The following XKR4 variants were observed in gnomAD, a reference collection of about 807,000 sequenced individuals.
XKR4 encodes XK related 4, also known as XK-related protein 4.
Under a neutral mutation model 53.9 loss-of-function variants are expected in XKR4, and 12 were observed. The ratio of observed to expected loss-of-function variants is 0.22; its 90% CI spans 0.14 to 0.36. The LOEUF (loss-of-function observed/expected upper bound fraction) is 0.36. Among genes scored for constraint, XKR4 ranks in the 10% least tolerant of loss-of-function variants. The pLI is 1.00. For synonymous variants in XKR4, 354 were observed against 362.4 expected (o/e 0.98, Z 0.26); for missense variants, 799 against 859.5 (o/e 0.93, Z 0.88).
chr8:55,147,553 T>A (rs1324971312), intron 1 of XKR4, among the ~76,000 whole-genome samples: 1 of 152,230 alleles, frequency 6.6e-6, no homozygotes, highest in Non-Finnish European at 1.5e-5. Flanking sequence ...CCTCCTTGCC[T>A]CCTGGTGGGG....
intron 1 of XKR4, among the ~76,000 whole-genome samples, chr8:55,224,462 G>A (rs774770994): frequency 6.6e-6 from 1 of 152,120 alleles, no homozygotes; most frequent in Non-Finnish European, 1.5e-5. Flanking sequence ...CAATGATTTT[G>A]TCATAAGACT....
intron 2 of XKR4, among the ~76,000 whole-genome samples, chr8:55,373,373 G>A (rs940585912): frequency 2.0e-5 from 3 of 152,096 alleles, no homozygotes; most frequent in African/African-American, 7.2e-5. Flanking sequence ...CACCATGTTG[G>A]CCAGGCTGGT....
intron 2 of XKR4, among the ~76,000 whole-genome samples, chr8:55,439,028 T>C (rs763977817): frequency 4.6e-5 from 7 of 152,116 alleles, no homozygotes; most frequent in Non-Finnish European, 8.8e-5. Flanking sequence ...AAGGAAACAG[T>C]CTTGCATAGG....
intron 1 of XKR4, among the ~76,000 whole-genome samples, chr8:55,277,267 A>G (rs558160313): frequency 6.6e-6 from 1 of 152,358 alleles, no homozygotes; most frequent in South Asian, 2.1e-4. Flanking sequence ...CTAAGGTGCT[A>G]CTAACAAAGG....
intron 2 of XKR4, among the ~76,000 whole-genome samples, chr8:55,518,650 G>C (rs1158219923): frequency 6.6e-6 from 1 of 152,162 alleles, no homozygotes; most frequent in African/African-American, 2.4e-5. Context: ...GTAGGCCCGT[G>C]GGGTTTCAGG....
At chr8:55,453,612 T>A in intron 2 of XKR4, 1 of 414,678 alleles carries the variant, frequency 2.4e-6, no homozygotes, top group Non-Finnish European at 4.6e-6. Context: ...GCACCTTGCA[T>A]CTTGGCCTCA....
intron 2 of XKR4, chr8:55,449,959 G>A (rs1036606716): frequency 1.5e-5 from 13 of 845,734 alleles, no homozygotes; most frequent in East Asian, 2.5e-5. Context: ...GCTCAAGGTG[G>A]AGCCCACGGG....
At chr8:55,465,600 C>G (rs1339816203) in intron 2 of XKR4, among the ~76,000 whole-genome samples, 2 of 150,330 alleles carry the variant, frequency 1.3e-5, no homozygotes, top group African/African-American at 2.4e-5. Flanking sequence ...TCTAAAACAC[C>G]AAAAGCAATG....
chr8:55,400,246 G>T (rs2129389804), intron 2 of XKR4, among the ~76,000 whole-genome samples: 1 of 152,284 alleles, frequency 6.6e-6, no homozygotes, highest in East Asian at 1.9e-4. Context: ...AGCTCATGAT[G>T]GGTGCCACTC....
At chr8:55,453,288 G>A in intron 2 of XKR4, 1 of 486,888 alleles carries the variant, frequency 2.1e-6, no homozygotes, top group Non-Finnish European at 4.2e-6. Context: ...CAGTCCTGCA[G>A]GCAGCAGTTC....
At chr8:55,137,344 A>G (rs377603761) in intron 1 of XKR4, among the ~76,000 whole-genome samples, 1 of 152,168 alleles carries the variant, frequency 6.6e-6, no homozygotes, top group African/African-American at 2.4e-5. Flanking sequence ...GATTACCTCA[A>G]TTGTCCATTA....
intron 2 of XKR4, among the ~76,000 whole-genome samples, chr8:55,462,567 T>C (rs1452672931): frequency 6.6e-6 from 1 of 152,096 alleles, no homozygotes; most frequent in Non-Finnish European, 1.5e-5. Flanking sequence ...CTGCATCAAC[T>C]AACGAGCAAA....
intron 2 of XKR4, chr8:55,454,642 G>T: frequency 2.8e-6 from 3 of 1,076,812 alleles, no homozygotes; most frequent in Non-Finnish European, 4.3e-6. Flanking sequence ...CAGGGGCACG[G>T]TGCACGTCAG....
At chr8:55,149,939 A>G (rs1034916597) in intron 1 of XKR4, among the ~76,000 whole-genome samples, 1 of 152,194 alleles carries the variant, frequency 6.6e-6, no homozygotes, top group Admixed American at 6.5e-5. Flanking sequence ...TATATTGGAA[A>G]GGCTTGCCTT....
rs5891565 is a variant in XKR4, at chr8:55,246,713, CT to C, written c.807-110952del. 7.6e-3 allele frequency among the ~76,000 whole-genome samples: 1,099 copies of C among 143,980 alleles called. 7 individuals are homozygous for C. The highest frequency in any genetic ancestry group is 0.015 in the African/African-American group (584 of 38,600). 94.5% of individuals were successfully genotyped at this position (143,980 alleles called of 152,430 possible). A position where few individuals can be genotyped will look rare whatever the true frequency, so the allele number is the denominator to read the frequency against. On this transcript the variant is annotated intron_variant, in intron 1 of 2. Transcript: ENST00000327381. ...TCAAAAAGAAAGACCCCATTAAAGTCTTTTTTTTTTTTTAGTTTACTTTGAG... is the reference window on the plus strand; with the variant it reads ...TCAAAAAGAAAGACCCCATTAAAGTCTTTTTTTTTTTTAGTTTACTTTGAG...
chr8:55,355,911 C>T (rs1803791311), intron 1 of XKR4, among the ~76,000 whole-genome samples: 1 of 152,184 alleles, frequency 6.6e-6, no homozygotes, highest in Non-Finnish European at 1.5e-5. Flanking sequence ...AGTTCATTCA[C>T]AGACTCTAAA....
chr8:55,231,385 G>A (rs752948824), intron 1 of XKR4, among the ~76,000 whole-genome samples: 1 of 152,172 alleles, frequency 6.6e-6, no homozygotes, highest in Non-Finnish European at 1.5e-5. Context: ...TATTATAATA[G>A]AATATCTGCC....
chr8:55,350,718 T>G (rs1160022392), intron 1 of XKR4, among the ~76,000 whole-genome samples: 1 of 151,006 alleles, frequency 6.6e-6, no homozygotes, highest in Non-Finnish European at 1.5e-5. Flanking sequence ...AGAGATTATG[T>G]TTTCTTTTCT....
chr8:55,346,187 G>A (rs897883866), intron 1 of XKR4, among the ~76,000 whole-genome samples: 1 of 151,572 alleles, frequency 6.6e-6, no homozygotes, highest in Admixed American at 6.6e-5. Flanking sequence ...CTGGGTTCAA[G>A]TGATTCTCCT....
Sources: gnomAD v4.1 joint callset for allele counts (sites outside exome capture counted in the v4.1 genomes callset) on GRCh38, gnomAD v4.1.1 for gene constraint, MANE v1.5 for transcripts, NCBI Gene and HGNC (gene_info 2026-07-23, HGNC 2026-07-21) for gene names.